The following SLC24A3 variants were observed in gnomAD, a reference collection of about 807,000 sequenced individuals.
The protein encoded by SLC24A3 is sodium/potassium/calcium exchanger 3.
In SLC24A3, 28 loss-of-function variants were observed where a neutral mutation model predicts 75.8. The ratio of observed to expected loss-of-function variants is 0.37; its 90% confidence interval spans 0.27 to 0.51. The LOEUF (loss-of-function observed/expected upper bound fraction) is 0.51, where lower values mean the gene tolerates loss of function less well. SLC24A3 is among the 20% of genes least tolerant of loss of function. The probability of loss-of-function intolerance (pLI) is 0.94; values close to 1 mark genes in which losing one functional copy is unlikely to be tolerated. For synonymous variants in SLC24A3, 372 were observed against 334.1 expected, an observed-to-expected ratio of 1.11 and a Z score of -1.24; for missense variants, 663 against 847.8, an observed-to-expected ratio of 0.78 and a Z score of 2.71.
At chr20:19,245,724 T>G (rs1194980425) in intron 1 of SLC24A3, among the ~76,000 whole-genome samples, 2 of 152,158 alleles carry the variant, frequency 1.3e-5, no homozygotes, top group Non-Finnish European at 2.9e-5. Flanking sequence ...GAGACGATTT[T>G]AATGCTAATG....
intron 2 of SLC24A3, among the ~76,000 whole-genome samples, chr20:19,453,461 A>G (rs144306514): frequency 4.3e-4 from 65 of 152,256 alleles, no homozygotes; most frequent in African/African-American, 1.5e-3. Context: ...AGGAGAATGT[A>G]TTGGTGGAGA....
intron 2 of SLC24A3, among the ~76,000 whole-genome samples, chr20:19,445,238 G>T (rs1448957490): frequency 1.3e-5 from 2 of 152,150 alleles, no homozygotes; most frequent in Non-Finnish European, 2.9e-5. Flanking sequence ...CTTGAAGTTA[G>T]TGTGTTCTTT....
chr20:19,624,202 T>C (rs1386057535), intron 6 of SLC24A3, among the ~76,000 whole-genome samples: 2 of 152,198 alleles, frequency 1.3e-5, no homozygotes, highest in Non-Finnish European at 2.9e-5. Flanking sequence ...GATGTTTTGA[T>C]TGGACTCCCT....
At chr20:19,534,978 A>G (rs1002866122) in intron 3 of SLC24A3, among the ~76,000 whole-genome samples, 10 of 152,216 alleles carry the variant, frequency 6.6e-5, no homozygotes, top group Non-Finnish European at 1.5e-5. Flanking sequence ...GTTTCTCACA[A>G]ACTTTAAATA....
In SLC24A3 at chr20:19,680,406, G is replaced by A. The variant is rs566523458; in HGVS notation, c.768-1452G>A. Among the ~76,000 whole-genome samples the A allele has an allele frequency of 7.9e-5, 12 of 152,230 alleles. No homozygotes were observed. In the East Asian group the frequency reaches 9.6e-4, roughly 12 times the overall value. On this transcript the variant is annotated intron_variant, in intron 9 of 16. Transcript: ENST00000328041. The stretch of plus-strand genomic sequence containing the variant: ...GTAAAGTTCCATCACCAGGAGGCAC[G>A]GTGAGGTCTGCCTTTCTCTGTCTGT...
intron 3 of SLC24A3, among the ~76,000 whole-genome samples, chr20:19,529,483 C>T (rs547079266): frequency 2.6e-5 from 4 of 152,192 alleles, no homozygotes; most frequent in Admixed American, 1.3e-4. Context: ...GTCTCCATCC[C>T]ATCTCCTCTC....
chr20:19,341,325 C>T (rs1474110253), intron 2 of SLC24A3, among the ~76,000 whole-genome samples: 2 of 152,168 alleles, frequency 1.3e-5, no homozygotes, highest in East Asian at 3.9e-4. Context: ...CCTGCCCAGA[C>T]ATAACAGATC....
intron 13 of SLC24A3, 26 bp from the exon 14 acceptor site, chr20:19,696,771 T>C: frequency 6.4e-7 from 1 of 1,554,312 alleles, no homozygotes; most frequent in South Asian, 1.1e-5. Flanking sequence ...GACCCTCAGC[T>C]GACCACCTCT....
rs559476989 is a variant in SLC24A3, at chr20:19,230,703, G to A, written c.142+17719G>A. 4.6e-5 allele frequency among the ~76,000 whole-genome samples: 7 copies of A among 151,986 alleles called. No homozygotes were observed. The East Asian group carries it at 1.4e-3, about 30-fold the overall frequency. On this transcript the variant is annotated intron_variant, in intron 1 of 16. Transcript: ENST00000328041. ...ACAACAGTTCCTTTCAGCAACAAAT[G>A]CCTCATGTTTCTGAGATGGGATTCA...
chr20:19,212,674 G>C lies in SLC24A3; in HGVS notation c.-169G>C. On this transcript the variant is annotated 5_prime_UTR_variant, in exon 1 of 17. Transcript: ENST00000328041. ...ACGAGGAGGGCGACGACGAGGAGAC[G>C]GGCAGCGGCGAGGAGGAGGAAGAGG... The C allele has an allele frequency of 6.4e-6, 2 of 314,946 alleles. No homozygotes were observed. Among genetic ancestry groups the C allele is most frequent in the Middle Eastern group, 1.5e-3 (1 of 656 alleles). 19.5% of individuals were successfully genotyped at this position (314,946 alleles called of 1,614,324 possible).
intron 1 of SLC24A3, among the ~76,000 whole-genome samples, chr20:19,274,245 T>C (rs975743382): frequency 6.6e-6 from 1 of 151,160 alleles, no homozygotes; most frequent in African/African-American, 2.4e-5. Context: ...CCCAAGGGGG[T>C]GTTCTCAGCA....
chr20:19,576,780 T>A (rs2031142009), intron 3 of SLC24A3, among the ~76,000 whole-genome samples: 1 of 152,122 alleles, frequency 6.6e-6, no homozygotes, highest in Non-Finnish European at 1.5e-5. Context: ...GGTGAGATGG[T>A]TTATGGACTT....
chr20:19,685,391 G>A, intron 12 of SLC24A3, 30 bp downstream of exon 12: 1 of 1,606,858 alleles, frequency 6.2e-7, no homozygotes, highest in Non-Finnish European at 8.5e-7. Context: ...GGCTGGGGTT[G>A]GGAGCTATTT....
chr20:19,449,148 G>A (rs930334807), intron 2 of SLC24A3, among the ~76,000 whole-genome samples: 1 of 152,244 alleles, frequency 6.6e-6, no homozygotes, highest in African/African-American at 2.4e-5. Flanking sequence ...GGTAGAACTG[G>A]ATGAAATGCC....
intron 2 of SLC24A3, among the ~76,000 whole-genome samples, chr20:19,453,482 AC>A (rs1555793952): frequency 6.6e-6 from 1 of 152,200 alleles, no homozygotes; most frequent in Non-Finnish European, 1.5e-5. Context: ...CAAGGAACAT[AC>A]TGTTAACCAC....
chr20:19,673,717 G>A (rs1207874559), intron 9 of SLC24A3, 63 bp downstream of exon 9: 2 of 1,419,650 alleles, frequency 1.4e-6, no homozygotes, highest in Middle Eastern at 1.7e-4. Context: ...ATGTGATGAT[G>A]TGGGAAGAGG....
intron 6 of SLC24A3, among the ~76,000 whole-genome samples, chr20:19,639,749 C>A (rs926567788): frequency 1.3e-5 from 2 of 152,234 alleles, no homozygotes; most frequent in African/African-American, 4.8e-5. Flanking sequence ...TCAGGCATGG[C>A]GGGCTGCAGG....
intron 2 of SLC24A3, among the ~76,000 whole-genome samples, chr20:19,425,610 T>C (rs944793310): frequency 6.6e-6 from 1 of 152,180 alleles, no homozygotes; most frequent in South Asian, 2.1e-4. Context: ...AGTTGTCCGC[T>C]TGATGTCTCT....
chr20:19,466,697 G>A (rs185554258), intron 2 of SLC24A3, among the ~76,000 whole-genome samples: 4 of 145,892 alleles, frequency 2.7e-5, no homozygotes, highest in African/African-American at 1.1e-4. Context: ...TCTGAGGGTG[G>A]TAAAAGGTCC....
Sources: allele counts gnomAD v4.1 joint callset (sites outside exome capture counted in the v4.1 genomes callset), GRCh38; gene constraint gnomAD v4.1.1; transcripts MANE v1.5; gene names NCBI Gene and HGNC (gene_info 2026-07-23, HGNC 2026-07-21).